Variants in SOX5 observed in about 807,000 individuals in gnomAD.
The protein encoded by SOX5 is transcription factor SOX-5.
Under a neutral mutation model 92.0 loss-of-function variants are expected in SOX5, and 9 were observed. The ratio of observed to expected loss-of-function variants is 0.10; its 90% CI spans 0.06 to 0.17. The LOEUF (loss-of-function observed/expected upper bound fraction) is 0.17, where lower values mean the gene tolerates loss of function less well. Ranked by LOEUF, SOX5 falls within the 10% of genes least tolerant of loss-of-function variation. The pLI, the probability that SOX5 is intolerant of heterozygous loss-of-function variation, is 1.00. For synonymous variants in SOX5, 344 were observed against 336.3 expected, an observed-to-expected ratio of 1.02 and a Z score of -0.25; for missense variants, 642 against 944.5, an observed-to-expected ratio of 0.68 and a Z score of 4.20.
chr12:24,525,642 C>A (rs1597604056), intron 1 of SOX5, among the ~76,000 whole-genome samples: 1 of 152,000 alleles, frequency 6.6e-6, no homozygotes, highest in African/African-American at 2.4e-5. Context: ...GAGGCCGAGG[C>A]GAATGGATCA....
intron 10 of SOX5, among the ~76,000 whole-genome samples, chr12:23,566,346 T>G (rs17382149): frequency 0.072 from 10,899 of 152,310 alleles, 555 homozygotes; most frequent in South Asian, 0.11. Flanking sequence ...TACTCTCCAG[T>G]TCTCAGTGCA....
intron 4 of SOX5, among the ~76,000 whole-genome samples, chr12:24,149,611 T>A (rs1443135243): frequency 6.6e-6 from 1 of 152,174 alleles, no homozygotes; most frequent in South Asian, 2.1e-4. Flanking sequence ...CACTGGCAGT[T>A]TCATAAAAAG....
chr12:24,127,996 A>G (rs553076377), intron 4 of SOX5, among the ~76,000 whole-genome samples: 67 of 152,280 alleles, frequency 4.4e-4, no homozygotes, highest in South Asian at 3.5e-3. Context: ...CTTTCTTATG[A>G]GTAATGTTTT....
intron 2 of SOX5, among the ~76,000 whole-genome samples, chr12:24,317,161 A>C (rs1331311840): frequency 6.6e-6 from 1 of 152,238 alleles, no homozygotes; most frequent in Non-Finnish European, 1.5e-5. Flanking sequence ...TTTAACAATG[A>C]GCACTGACTA....
intron 4 of SOX5, among the ~76,000 whole-genome samples, chr12:24,137,462 C>A (rs545601852): frequency 6.6e-6 from 1 of 152,192 alleles, no homozygotes; most frequent in African/African-American, 2.4e-5. Flanking sequence ...GAAACCCCGT[C>A]TCTATTTAAA....
intron 4 of SOX5, among the ~76,000 whole-genome samples, chr12:24,165,479 C>T (rs1404739938): frequency 6.6e-6 from 1 of 152,134 alleles, no homozygotes; most frequent in Non-Finnish European, 1.5e-5. Context: ...TCAAATATTG[C>T]TTTTAGAAAT....
At chr12:24,540,073 A>G (rs1393141080) in intron 1 of SOX5, among the ~76,000 whole-genome samples, 1 of 152,122 alleles carries the variant, frequency 6.6e-6, no homozygotes, top group African/African-American at 2.4e-5. Context: ...TAAGATGCTA[A>G]TGAATACACA....
chr12:24,447,295 C>T lies in SOX5; in HGVS notation c.-250-78656G>A, dbSNP rs867571549. Among the ~76,000 whole-genome samples, 34 of 152,294 alleles carry T rather than the reference C, an allele frequency of 2.2e-4. No individual in the cohort carries two copies. The Middle Eastern group carries it at 0.017, about 76-fold the overall frequency. The stretch of plus-strand genomic sequence containing the variant: ...TGCCCTTGGTATGATGTGATGAAAA[C>T]GGCACTTCAGCTTTGTGACCTTCCT... On this transcript the variant is annotated intron_variant, in intron 1 of 4. Transcript: ENST00000446891.
intron 6 of SOX5, among the ~76,000 whole-genome samples, chr12:23,690,435 A>G (rs1441985770): frequency 6.7e-6 from 1 of 149,808 alleles, no homozygotes; most frequent in Admixed American, 6.7e-5. Flanking sequence ...TGTTAGACAC[A>G]CATTACAAAG....
intron 1 of SOX5, among the ~76,000 whole-genome samples, chr12:24,499,283 T>G (rs1038005359): frequency 2.0e-5 from 3 of 152,186 alleles, no homozygotes; most frequent in Admixed American, 1.3e-4. Context: ...ACAGGAGATA[T>G]GAAATACATA....
At chr12:23,825,057 C>G (rs770817111) in intron 3 of SOX5, among the ~76,000 whole-genome samples, 4 of 152,114 alleles carry the variant, frequency 2.6e-5, no homozygotes, top group Non-Finnish European at 5.9e-5. Flanking sequence ...TGGGCTGGAC[C>G]ACTCGGCTCC....
chr12:24,306,840 C>T (rs974135014), intron 2 of SOX5, among the ~76,000 whole-genome samples: 2 of 152,122 alleles, frequency 1.3e-5, no homozygotes, highest in Non-Finnish European at 2.9e-5. Flanking sequence ...AGCTTGAGTG[C>T]CCAGACTAAG....
chr12:24,009,551 T>C (rs1592293111), intron 4 of SOX5, among the ~76,000 whole-genome samples: 3 of 152,238 alleles, frequency 2.0e-5, no homozygotes, highest in South Asian at 2.1e-4. Context: ...TGTATATATA[T>C]ATTAAATTTT....
At position 23,638,783 on chromosome 12, in the gene SOX5, C is replaced by T. The variant is rs575169192; in HGVS notation, c.1017+2029G>A. 5.9e-5 allele frequency among the ~76,000 whole-genome samples: 9 copies of T among 151,928 alleles called. No individual in the cohort carries two copies. In the South Asian group the frequency reaches 1.9e-3, roughly 32 times the overall value. The stretch of plus-strand genomic sequence containing the variant: ...TAGAAAAGTGAGTTGGTGTAAGCAC[C>T]CTAGCAAAAGTGAGAGTCAGTCCAC... On this transcript the variant is annotated intron_variant, in intron 8 of 14. Transcript: ENST00000451604.
At chr12:23,895,243 A>C (rs1284120924) in intron 2 of SOX5, among the ~76,000 whole-genome samples, 1 of 151,742 alleles carries the variant, frequency 6.6e-6, no homozygotes, top group Non-Finnish European at 1.5e-5. Context: ...CGAATTAACG[A>C]AACAACAGTG....
At chr12:24,114,425 A>C (rs2060113663) in intron 4 of SOX5, among the ~76,000 whole-genome samples, 1 of 151,464 alleles carries the variant, frequency 6.6e-6, no homozygotes, top group Admixed American at 6.6e-5. Context: ...AAAAATACAA[A>C]AATTAGCTGA....
rs887277085 is a variant in SOX5, at chr12:23,537,239, T to C, written c.1772-570A>G. ...TAATAAACATGGAGTGGGTAACTAC[T>C]ATGTGCCAGACACTGTGCTGAAACC... On this transcript the variant is annotated intron_variant, in intron 13 of 14. Coordinates refer to ENST00000451604, the MANE Select transcript of SOX5 (RefSeq NM_006940.6). 6.6e-5 allele frequency among the ~76,000 whole-genome samples: 10 copies of C among 152,310 alleles called. No homozygotes were observed. In the South Asian group the frequency reaches 8.3e-4, roughly 13 times the overall value.
intron 9 of SOX5, among the ~76,000 whole-genome samples, chr12:23,587,896 C>T (rs769195406): frequency 6.6e-6 from 1 of 151,966 alleles, no homozygotes; most frequent in Non-Finnish European, 1.5e-5. Context: ...GCTATGAATC[C>T]ATCCCAGGTT....
chr12:24,122,554 G>A (rs563638921), intron 4 of SOX5, among the ~76,000 whole-genome samples: 4 of 152,238 alleles, frequency 2.6e-5, no homozygotes, highest in African/African-American at 9.6e-5. Context: ...TTGACATTTT[G>A]TCAAGAAGAC....
Sources: gnomAD v4.1 joint callset for allele counts (sites outside exome capture counted in the v4.1 genomes callset) on GRCh38, gnomAD v4.1.1 for gene constraint, MANE v1.5 for transcripts, NCBI Gene and HGNC (gene_info 2026-07-23, HGNC 2026-07-21) for gene names.